Variants in ZNF469 observed in about 807,000 individuals in gnomAD.
ZNF469 encodes zinc finger protein 469.
ZNF469 carries 1 observed loss-of-function variant against 1.0 expected under a neutral mutation model. The observed-to-expected ratio is 1.00, with a 90% CI of 0.35 to 4.73. The LOEUF (loss-of-function observed/expected upper bound fraction) is 4.73. Ranked by LOEUF, ZNF469 falls within the 30% of genes most tolerant of loss-of-function variation. ZNF469 has a pLI of 0.16. For missense variants in ZNF469, 6,100 were observed against 5,356.3 expected (o/e 1.14, Z -4.33); for synonymous variants, 2,703 against 2,363.4 (o/e 1.14, Z -4.17).
the ZNF469 span, among the ~76,000 whole-genome samples, chr16:88,297,445 C>T: frequency 6.6e-6 from 1 of 152,232 alleles, no homozygotes; most frequent in Non-Finnish European, 1.5e-5. Context: ...GGCTTACCTG[C>T]AAAGCACCTG....
At chr16:88,166,735 T>C in the ZNF469 span, among the ~76,000 whole-genome samples, 5 of 150,100 alleles carry the variant, frequency 3.3e-5, no homozygotes, top group African/African-American at 1.2e-4. The surrounding 1 kb of genome is among the most constrained non-coding windows in gnomAD (Gnocchi z 4.5). Context: ...CCTTTCCTAC[T>C]CCGTGGATCA....
the ZNF469 span, among the ~76,000 whole-genome samples, chr16:88,266,638 A>G: frequency 2.0e-5 from 3 of 152,236 alleles, no homozygotes; most frequent in South Asian, 4.1e-4. Context: ...AAGGTTACCT[A>G]TTGCTCTTTG....
chr16:88,106,275 C>T, the ZNF469 span, among the ~76,000 whole-genome samples: 7 of 152,212 alleles, frequency 4.6e-5, no homozygotes, highest in Admixed American at 4.6e-4. Context: ...GCCGCTCCTG[C>T]GCCCACCTCT....
chr16:88,268,449 G>A, the ZNF469 span, among the ~76,000 whole-genome samples: 37 of 152,340 alleles, frequency 2.4e-4, no homozygotes, highest in Non-Finnish European at 4.1e-4. Context: ...AACTGAGACC[G>A]TTTCTCAGAA....
chr16:88,371,463 G>A, the ZNF469 span, among the ~76,000 whole-genome samples: 2 of 152,190 alleles, frequency 1.3e-5, no homozygotes, highest in African/African-American at 4.8e-5. Context: ...AGGCCAGGCA[G>A]ATCTGATCAT....
chr16:88,150,258 C>CGAGA, the ZNF469 span, among the ~76,000 whole-genome samples: 1 of 151,994 alleles, frequency 6.6e-6, no homozygotes, highest in South Asian at 2.1e-4. Flanking sequence ...TGCAGTGAAC[C>CGAGA]GAGATCACAC....
upstream of ZNF469, among the ~76,000 whole-genome samples, chr16:88,381,540 C>G (rs2092525426): frequency 6.6e-6 from 1 of 152,238 alleles, no homozygotes. Flanking sequence ...CAGGGGACCC[C>G]TGGCCCTTGA....
chr16:88,304,633 A>T, the ZNF469 span, among the ~76,000 whole-genome samples: 55 of 152,156 alleles, frequency 3.6e-4, no homozygotes, highest in African/African-American at 1.3e-3. Context: ...CTTCAACCTC[A>T]AGTGTTTGGA....
chr16:88,229,605 G>A, the ZNF469 span, among the ~76,000 whole-genome samples: 7 of 14,964 alleles, frequency 4.7e-4, no homozygotes, highest in Admixed American at 1.1e-3. Context: ...GATGTCACGC[G>A]TGTGTGCTGA....
chr16:88,338,331 A>G, the ZNF469 span, among the ~76,000 whole-genome samples: 24 of 152,290 alleles, frequency 1.6e-4, no homozygotes, highest in African/African-American at 5.1e-4. Context: ...GTGGTTGATT[A>G]GCAATGTCTG....
At chr16:88,255,179 G>A in the ZNF469 span, among the ~76,000 whole-genome samples, 4 of 152,212 alleles carry the variant, frequency 2.6e-5, no homozygotes, top group Admixed American at 6.5e-5. Context: ...TGGGCTGTGG[G>A]TTGCTCTTGC....
the ZNF469 span, among the ~76,000 whole-genome samples, chr16:88,327,026 T>C: frequency 6.6e-6 from 1 of 152,184 alleles, no homozygotes; most frequent in African/African-American, 2.4e-5. Context: ...CGGCCCCGCC[T>C]CTCTGATGGG....
At chr16:88,348,187 C>G in the ZNF469 span, among the ~76,000 whole-genome samples, 12 of 152,274 alleles carry the variant, frequency 7.9e-5, no homozygotes, top group African/African-American at 2.6e-4. Flanking sequence ...GCTCTGGGGC[C>G]GGAAGTGCAA....
chr16:88,128,225 G>A, the ZNF469 span, among the ~76,000 whole-genome samples: 7 of 152,078 alleles, frequency 4.6e-5, no homozygotes, highest in East Asian at 1.4e-3. Flanking sequence ...GAGCCCCTGA[G>A]GGCCACGTCG....
At chr16:88,347,221 A>G in the ZNF469 span, among the ~76,000 whole-genome samples, 2 of 152,082 alleles carry the variant, frequency 1.3e-5, no homozygotes, top group Non-Finnish European at 2.9e-5. Context: ...GAACCTTTGG[A>G]CGAGTGAGAT....
chr16:88,154,868 T>C, the ZNF469 span, among the ~76,000 whole-genome samples: 1 of 152,258 alleles, frequency 6.6e-6, no homozygotes, highest in East Asian at 1.9e-4. Flanking sequence ...ATCATGGGCT[T>C]TTTTCCTCAC....
the ZNF469 span, among the ~76,000 whole-genome samples, chr16:88,229,629 G>T: frequency 6.9e-6 from 1 of 143,976 alleles, no homozygotes; most frequent in South Asian, 2.4e-4. Flanking sequence ...CACGCGTGTG[G>T]ATGTCACGTG....
chr16:88,436,182 C>A lies in ZNF469; in HGVS notation c.8712C>A (p.Gly2904=). ...AGGAGGGCGGTGACCCCACGCTGGG[C>A]CCAGCCCGCCTGCCCACGGACCTCA... is the stretch of plus-strand genomic sequence containing the variant. ...SFEEGGDPTL[G]PARLPTDLSD... Residue 2904 remains glycine (G), a synonymous_variant, in exon 3 of 3, where the codon GGC becomes GGA. Transcript: ENST00000565624. The A allele has an allele frequency of 6.5e-7, 1 of 1,547,640 alleles. No homozygotes were observed. The highest frequency in any genetic ancestry group is 1.2e-5 in the South Asian group (1 of 84,020).
chr16:88,433,630 C>A lies in ZNF469; in HGVS notation c.6160C>A (p.Pro2054Thr). The A allele has an allele frequency of 6.5e-7, 1 of 1,550,278 alleles. No individual in the cohort carries two copies. The highest frequency in any genetic ancestry group is 8.7e-7 in the Non-Finnish European group (1 of 1,146,920). The part of the protein sequence containing the change: ...AAMSLQEEAE[P>T]TPSPPSPNRE... ...CATGAGCCTTCAGGAGGAGGCCGAG[C>A]CCACCCCAAGCCCCCCGTCCCCTAA... The change falls in exon 3 of 3, where the codon CCC (proline) becomes ACC (threonine). Residue 2054 changes from proline (P) to threonine (T), a missense_variant. Transcript: ENST00000565624.
Sources: gnomAD v4.1 joint callset for allele counts (sites outside exome capture counted in the v4.1 genomes callset) on GRCh38, gnomAD v4.1.1 for gene constraint, Gnocchi (gnomAD v3.1) non-coding constraint, MANE v1.5 for transcripts, NCBI Gene and HGNC (gene_info 2026-07-23, HGNC 2026-07-21) for gene names.